Variants in TRAPPC9 observed in about 807,000 individuals in gnomAD.
TRAPPC9 encodes the protein IKK2 binding protein.
In TRAPPC9, 83 loss-of-function variants were observed where a neutral mutation model predicts 124.0. The ratio of observed to expected loss-of-function variants is 0.67; its 90% CI spans 0.56 to 0.80. The LOEUF (loss-of-function observed/expected upper bound fraction) is 0.80. Among genes scored for constraint, TRAPPC9 ranks in the 30% least tolerant of loss-of-function variants. The pLI is 0.00. For missense variants in TRAPPC9, 1,302 were observed against 1,508.3 expected (o/e 0.86, Z 2.27); for synonymous variants, 638 against 617.5 (o/e 1.03, Z -0.49).
chr8:140,047,147 G>A (rs1472132659), intron 17 of TRAPPC9, among the ~76,000 whole-genome samples: 1 of 152,212 alleles, frequency 6.6e-6, no homozygotes, highest in Non-Finnish European at 1.5e-5. Context: ...CTCACAGCAG[G>A]CATGTTGGAG....
chr8:139,827,621 G>A lies in TRAPPC9; in HGVS notation c.3055+58258C>T, dbSNP rs117520360. On this transcript the variant is annotated intron_variant, in intron 21 of 22. Coordinates refer to ENST00000438773, the MANE Select transcript of TRAPPC9 (RefSeq NM_001160372.4). ...CTGGGGTGGTGCCAATAAGGACTGC[G>A]TGCCCGCACGTGACTGATAAGTGAA... Among the ~76,000 whole-genome samples, 629 of 152,338 alleles carry A rather than the reference G, an allele frequency of 4.1e-3. 2 individuals carry two copies. Among genetic ancestry groups the A allele is most frequent in the Non-Finnish European group, 7.1e-3 (481 of 68,028 alleles).
intron 21 of TRAPPC9, among the ~76,000 whole-genome samples, chr8:139,755,173 C>T (rs1223105816): frequency 6.6e-6 from 1 of 152,240 alleles, no homozygotes; most frequent in Non-Finnish European, 1.5e-5. Flanking sequence ...TGGCACCTGG[C>T]ACCCTCCAGG....
At chr8:140,229,860 CAT>C (rs2063551193) in intron 16 of TRAPPC9, among the ~76,000 whole-genome samples, 1 of 152,156 alleles carries the variant, frequency 6.6e-6, no homozygotes, top group Admixed American at 6.5e-5. Flanking sequence ...ACCTGGCCTC[CAT>C]ATGTTTTCAA....
chr8:139,773,277 A>T (rs1279186066), intron 21 of TRAPPC9, among the ~76,000 whole-genome samples: 1 of 152,246 alleles, frequency 6.6e-6, no homozygotes, highest in Non-Finnish European at 1.5e-5. Context: ...GAAAATCCAA[A>T]GTGAATGCTA....
At chr8:140,161,718 C>G (rs1362592322) in intron 17 of TRAPPC9, among the ~76,000 whole-genome samples, 1 of 152,050 alleles carries the variant, frequency 6.6e-6, no homozygotes, top group Non-Finnish European at 1.5e-5. Context: ...CCGATCTGCA[C>G]AACTGTTCAT....
chr8:139,925,003 C>T (rs1002024517), intron 19 of TRAPPC9, among the ~76,000 whole-genome samples: 5 of 152,208 alleles, frequency 3.3e-5, no homozygotes, highest in Admixed American at 3.3e-4. Flanking sequence ...CCACCAGCTT[C>T]GTGTTCTCCA....
chr8:140,317,552 A>T (rs10088329), intron 9 of TRAPPC9, among the ~76,000 whole-genome samples: 43,795 of 152,098 alleles, frequency 0.29, 6,669 homozygotes, highest in Middle Eastern at 0.43. Flanking sequence ...CTGGATTCTC[A>T]TGGTCTCTGA....
At chr8:139,986,705 C>T (rs1379353759) in intron 19 of TRAPPC9, among the ~76,000 whole-genome samples, 2 of 152,202 alleles carry the variant, frequency 1.3e-5, no homozygotes, top group Admixed American at 6.5e-5. Context: ...CTTAGTTTTT[C>T]CTTCTGCTAT....
At chr8:140,088,744 C>T (rs142972186) in intron 17 of TRAPPC9, among the ~76,000 whole-genome samples, 364 of 152,272 alleles carry the variant, frequency 2.4e-3, no homozygotes, top group African/African-American at 8.4e-3. Flanking sequence ...TCATATCTCT[C>T]GTCATGAATA....
chr8:140,402,145 T>A (rs894273000), intron 6 of TRAPPC9, among the ~76,000 whole-genome samples: 3 of 151,852 alleles, frequency 2.0e-5, no homozygotes, highest in Non-Finnish European at 4.4e-5. Flanking sequence ...GGTGGGAGGA[T>A]TGCTTCAGGC....
At position 140,290,981 on chromosome 8, in the gene TRAPPC9, G is replaced by T; in HGVS notation, c.1854+12C>A. On this transcript the variant is annotated intron_variant, in intron 12 of 22. Transcript: ENST00000438773. ...GTTAGCCCAAAAAGGTCAAATGATTGGTGATACATACCATGTTTTCAACTC... is the reference window on the plus strand; with the variant it reads ...GTTAGCCCAAAAAGGTCAAATGATTTGTGATACATACCATGTTTTCAACTC... The T allele has an allele frequency of 6.2e-7, 1 of 1,611,760 alleles. No homozygotes were observed. The highest frequency in any genetic ancestry group is 8.5e-7 in the Non-Finnish European group (1 of 1,177,866).
intron 3 of TRAPPC9, among the ~76,000 whole-genome samples, chr8:140,437,167 T>G (rs2132616458): frequency 6.6e-6 from 1 of 151,042 alleles, no homozygotes; most frequent in East Asian, 1.9e-4. Flanking sequence ...TTTATTTTGG[T>G]AGAAGTGAGG....
At position 139,778,005 on chromosome 8, in the gene TRAPPC9, A is replaced by AG. The variant is rs555708373; in HGVS notation, c.3056-45804dup. 1.4e-3 allele frequency among the ~76,000 whole-genome samples: 214 copies of AG among 152,096 alleles called. 1 individual carries two copies. The South Asian group carries it at 0.017, about 12-fold the overall frequency. ...TGACGGGGAAGGAAGGGAGAGAGAGAGAAAAAAAAACCTATAGAGATCGGT... is the reference window on the plus strand; with the variant it reads ...TGACGGGGAAGGAAGGGAGAGAGAGAGGAAAAAAAAACCTATAGAGATCGGT... On this transcript the variant is annotated intron_variant, in intron 21 of 22. Transcript: ENST00000438773.
At chr8:140,296,798 C>T (rs934680592) in intron 11 of TRAPPC9, among the ~76,000 whole-genome samples, 2 of 152,376 alleles carry the variant, frequency 1.3e-5, no homozygotes, top group Middle Eastern at 3.4e-3. Context: ...TCCTAAATCA[C>T]CTCTGGAAGT....
chr8:140,083,124 C>T (rs1185170720), intron 17 of TRAPPC9, among the ~76,000 whole-genome samples: 9 of 152,038 alleles, frequency 5.9e-5, no homozygotes, highest in Admixed American at 1.3e-4. Context: ...ACCTGGAAGG[C>T]GGAGGTTGCA....
At chr8:140,210,852 G>GT (rs1312091078) in intron 17 of TRAPPC9, among the ~76,000 whole-genome samples, 1 of 152,224 alleles carries the variant, frequency 6.6e-6, no homozygotes, top group African/African-American at 2.4e-5. Flanking sequence ...TCAGGCTGCT[G>GT]TAAGTGTTCA....
intron 17 of TRAPPC9, among the ~76,000 whole-genome samples, chr8:140,046,958 G>T (rs146210947): frequency 6.6e-6 from 1 of 152,280 alleles, no homozygotes; most frequent in African/African-American, 2.4e-5. Flanking sequence ...AAATAGAAAC[G>T]TGTACAGAAA....
At chr8:139,793,512 C>A (rs183887385) in intron 21 of TRAPPC9, among the ~76,000 whole-genome samples, 2 of 152,170 alleles carry the variant, frequency 1.3e-5, no homozygotes, top group African/African-American at 4.8e-5. Context: ...CTGTGCCTTG[C>A]GCTGACCTGG....
chr8:140,212,983 C>T (rs1022587838), intron 17 of TRAPPC9, among the ~76,000 whole-genome samples: 3 of 151,680 alleles, frequency 2.0e-5, no homozygotes, highest in African/African-American at 4.8e-5. Context: ...ACAGGAGAAT[C>T]GCTTGAACCC....
Sources: allele counts gnomAD v4.1 joint callset (sites outside exome capture counted in the v4.1 genomes callset), GRCh38; gene constraint gnomAD v4.1.1; transcripts MANE v1.5; gene names NCBI Gene and HGNC (gene_info 2026-07-23, HGNC 2026-07-21).